Variants in ESRRG observed in about 807,000 individuals in gnomAD.
The protein encoded by ESRRG is estrogen-related receptor gamma.
Under a neutral mutation model 44.0 loss-of-function variants are expected in ESRRG, and 13 were observed. The observed-to-expected ratio is 0.30, with a 90% CI of 0.19 to 0.47. The LOEUF (loss-of-function observed/expected upper bound fraction) is 0.47. Ranked by LOEUF, ESRRG falls within the 20% of genes least tolerant of loss-of-function variation. The pLI is 1.00. For synonymous variants in ESRRG, 215 were observed against 214.6 expected (o/e 1.00, Z -0.02); for missense variants, 395 against 580.6 (o/e 0.68, Z 3.29).
intron 5 of ESRRG, among the ~76,000 whole-genome samples, chr1:216,558,856 GTTT>G (rs938519477): frequency 6.6e-6 from 1 of 151,490 alleles, no homozygotes; most frequent in African/African-American, 2.4e-5. Flanking sequence ...TCTGTTTTTT[GTTT>G]TTTGTTTTTT....
intron 1 of ESRRG, among the ~76,000 whole-genome samples, chr1:216,971,326 C>T (rs2071612300): frequency 6.6e-6 from 1 of 152,138 alleles, no homozygotes; most frequent in Non-Finnish European, 1.5e-5. Flanking sequence ...GGAGAGCACT[C>T]ATGAAGCCAG....
intron 2 of ESRRG, among the ~76,000 whole-genome samples, chr1:216,812,522 A>G (rs1279715275): frequency 6.6e-6 from 1 of 152,198 alleles, no homozygotes; most frequent in African/African-American, 2.4e-5. Flanking sequence ...CCACACAGAC[A>G]TAGCACTCAT....
chr1:216,854,272 C>T (rs1046255879), intron 2 of ESRRG, among the ~76,000 whole-genome samples: 2 of 146,520 alleles, frequency 1.4e-5, no homozygotes, highest in African/African-American at 5.1e-5. Flanking sequence ...CAGGAGAATC[C>T]CTTGAACCCC....
intron 1 of ESRRG, among the ~76,000 whole-genome samples, chr1:217,077,447 T>C (rs148165482): frequency 2.0e-5 from 3 of 152,268 alleles, no homozygotes; most frequent in East Asian, 3.9e-4. Flanking sequence ...GCCATTCACA[T>C]TGTGCACCTA....
intron 1 of ESRRG, among the ~76,000 whole-genome samples, chr1:217,013,049 C>T (rs2078856959): frequency 6.6e-6 from 1 of 152,152 alleles, no homozygotes; most frequent in Non-Finnish European, 1.5e-5. Flanking sequence ...GTCTCTGTGT[C>T]CAAATTTCTC....
At position 216,994,739 on chromosome 1, in the gene ESRRG, G is replaced by A. The variant is rs367691623; in HGVS notation, c.-105-55066C>T. Among the ~76,000 whole-genome samples the A allele has an allele frequency of 6.9e-4, 103 of 149,230 alleles. No homozygotes were observed. In the Middle Eastern group the frequency reaches 0.031, roughly 45 times the overall value. On this transcript the variant is annotated intron_variant, in intron 1 of 7. Coordinates refer to the ESRRG transcript ENST00000359162. ...TGGGACTACAGGTGCCCACCACCAC[G>A]CCCGGCTAATTTTTTGTATTTTTTT...
chr1:216,540,562 TA>T (rs1474862046), intron 5 of ESRRG, among the ~76,000 whole-genome samples: 8 of 152,072 alleles, frequency 5.3e-5, no homozygotes, highest in Admixed American at 5.2e-4. Flanking sequence ...TTTTCATTTC[TA>T]AATTCAATTT....
chr1:216,831,847 T>C (rs963018837), intron 2 of ESRRG, among the ~76,000 whole-genome samples: 1 of 152,138 alleles, frequency 6.6e-6, no homozygotes, highest in Non-Finnish European at 1.5e-5. Flanking sequence ...AGGAGAAAGA[T>C]GTTTGCAAGT....
chr1:216,841,274 A>G (rs2095649473), intron 2 of ESRRG, among the ~76,000 whole-genome samples: 1 of 151,782 alleles, frequency 6.6e-6, no homozygotes, highest in South Asian at 2.1e-4. Context: ...CTCAGGGTAG[A>G]CTCCCAGCAC....
chr1:216,510,660 C>T (rs544474099), intron 6 of ESRRG, among the ~76,000 whole-genome samples: 2 of 152,178 alleles, frequency 1.3e-5, no homozygotes, highest in East Asian at 1.9e-4. Context: ...CCGAGGCAGG[C>T]AGATCACGAG....
At chr1:216,566,303 G>A (rs2059675389) in intron 4 of ESRRG, among the ~76,000 whole-genome samples, 2 of 152,152 alleles carry the variant, frequency 1.3e-5, no homozygotes, top group South Asian at 4.1e-4. Context: ...TTTTATAAAT[G>A]TTTGTTACAA....
chr1:216,531,412 C>T (rs2049334686), intron 5 of ESRRG, among the ~76,000 whole-genome samples: 1 of 151,952 alleles, frequency 6.6e-6, no homozygotes, highest in East Asian at 1.9e-4. Flanking sequence ...TTTGCTGGCT[C>T]AAGCAGAGCT....
intron 1 of ESRRG, among the ~76,000 whole-genome samples, chr1:216,982,006 T>A (rs2074054127): frequency 6.6e-6 from 1 of 152,222 alleles, no homozygotes; most frequent in African/African-American, 2.4e-5. Flanking sequence ...GCCTGAGCGC[T>A]TCGCTGCTTC....
At chr1:216,946,333 C>T (rs555315542) in intron 1 of ESRRG, among the ~76,000 whole-genome samples, 5 of 152,222 alleles carry the variant, frequency 3.3e-5, no homozygotes, top group South Asian at 2.1e-4. Context: ...GAGTAATCAT[C>T]GGTTCGAGAG....
chr1:216,617,549 T>G (rs1361186822), intron 3 of ESRRG, among the ~76,000 whole-genome samples: 1 of 150,658 alleles, frequency 6.6e-6, no homozygotes. Flanking sequence ...TGTGAGGAAA[T>G]GTAGTATCAT....
chr1:216,877,379 G>GT lies in ESRRG; in HGVS notation c.-14+62202dup, dbSNP rs72314566. ...TGCAATGCTTTTTTATAGGTATGGT[G>GT]TTTTTTTTTGTTTGTTTGTTTGTTT... On this transcript the variant is annotated intron_variant, in intron 2 of 7. Coordinates refer to the ESRRG transcript ENST00000359162. Among the ~76,000 whole-genome samples the GT allele has an allele frequency of 1.3e-3, 182 of 141,118 alleles. 2 individuals carry two copies. The highest frequency in any genetic ancestry group is 0.011 in the East Asian group (54 of 4,742). The allele number at this position is 141,118 out of a possible 152,430, so 92.6% of individuals were successfully genotyped here.
chr1:216,769,981 A>G (rs1328464761), intron 2 of ESRRG, among the ~76,000 whole-genome samples: 1 of 152,122 alleles, frequency 6.6e-6, no homozygotes, highest in East Asian at 1.9e-4. Context: ...TCCACTTTTC[A>G]GGAATAGAAA....
At chr1:217,064,246 G>GTATA (rs1158457611) in intron 1 of ESRRG, among the ~76,000 whole-genome samples, 2 of 151,558 alleles carry the variant, frequency 1.3e-5, no homozygotes, top group Non-Finnish European at 2.9e-5. Flanking sequence ...TGTGTTATGT[G>GTATA]TATATATACA....
At chr1:216,510,643 TG>T (rs2042429739) in intron 6 of ESRRG, among the ~76,000 whole-genome samples, 1 of 152,170 alleles carries the variant, frequency 6.6e-6, no homozygotes, top group South Asian at 2.1e-4. Context: ...CCAAGCACTT[TG>T]GGAGGCCGAG....
Sources: allele counts gnomAD v4.1 joint callset (sites outside exome capture counted in the v4.1 genomes callset), GRCh38; gene constraint gnomAD v4.1.1; transcripts MANE v1.5; gene names NCBI Gene and HGNC (gene_info 2026-07-23, HGNC 2026-07-21).